Variants in RAB5C observed in about 807,000 individuals in gnomAD.
RAB5C encodes ras-related protein Rab-5C.
RAB5C carries 4 observed loss-of-function variants against 25.2 expected under a neutral mutation model. The ratio of observed to expected loss-of-function variants is 0.16; its 90% CI spans 0.08 to 0.36. RAB5C has a LOEUF of 0.36. Ranked by LOEUF, RAB5C falls within the 10% of genes least tolerant of loss-of-function variation. The probability of loss-of-function intolerance (pLI) is 1.00; values close to 1 mark genes in which losing one functional copy is unlikely to be tolerated. For missense variants in RAB5C, 199 were observed against 283.8 expected (o/e 0.70, Z 2.15); for synonymous variants, 100 against 106.4 (o/e 0.94, Z 0.37).
intron 1 of RAB5C, among the ~76,000 whole-genome samples, chr17:42,132,705 T>C (rs1409818321): frequency 2.2e-5 from 3 of 133,940 alleles, no homozygotes; most frequent in African/African-American, 8.2e-5. Flanking sequence ...TCTTTCTTTC[T>C]TTTTTTTTTG....
chr17:42,143,677 C>A (rs2079615656), intron 1 of RAB5C, among the ~76,000 whole-genome samples: 1 of 152,102 alleles, frequency 6.6e-6, no homozygotes, highest in Non-Finnish European at 1.5e-5. Flanking sequence ...TAACCAAAAA[C>A]CAAAAACAAA....
chr17:42,150,950 T>C (rs1324763740), intron 1 of RAB5C, among the ~76,000 whole-genome samples: 1 of 152,202 alleles, frequency 6.6e-6, no homozygotes. Context: ...CCTTTCTTTG[T>C]TTCTAATTCT....
rs542053745 is a variant in RAB5C, at chr17:42,134,192, G to A, written c.-88-3602C>T. Among the ~76,000 whole-genome samples, 6 of 152,256 alleles carry A rather than the reference G, an allele frequency of 3.9e-5. No individual in the cohort carries two copies. In the South Asian group the frequency reaches 1.2e-3, roughly 32 times the overall value. On this transcript the variant is annotated intron_variant, in intron 1 of 5. Transcript: ENST00000346213. ...TTATACCCTCTCCTCCCAAGCCTGG[G>A]AAACTGAAGACATGGCAGGTAGTAA... is the stretch of plus-strand genomic sequence containing the variant.
At chr17:42,150,689 A>C (rs2079665288) in intron 1 of RAB5C, among the ~76,000 whole-genome samples, 1 of 151,208 alleles carries the variant, frequency 6.6e-6, no homozygotes, top group African/African-American at 2.4e-5. Flanking sequence ...AACATGGTCA[A>C]ACCCCATCTC....
chr17:42,131,526 A>C (rs1233269442), intron 1 of RAB5C: 8 of 1,367,136 alleles, frequency 5.9e-6, no homozygotes, highest in Admixed American at 2.0e-5. Context: ...CACCGAAACA[A>C]ACACACACAG....
intron 1 of RAB5C, among the ~76,000 whole-genome samples, chr17:42,139,232 T>C (rs534250785): frequency 2.0e-5 from 3 of 152,340 alleles, no homozygotes; most frequent in East Asian, 3.9e-4. Context: ...CCAGGCTTCA[T>C]GGGCAGCTCA....
At position 42,140,513 on chromosome 17, in the gene RAB5C, ATATTTTTTTTTTT is replaced by A. The variant is rs1435685792; in HGVS notation, c.-88-9936_-88-9924del. On this transcript the variant is annotated intron_variant, in intron 1 of 5. Coordinates refer to ENST00000346213, the MANE Select transcript of RAB5C (RefSeq NM_004583.4). ...TATATATATATATATATATATATATATATTTTTTTTTTTTTTTTTTTTTTTTTTGAGATGGAGT... is the reference window on the plus strand; with the variant it reads ...TATATATATATATATATATATATATATTTTTTTTTTTTTTTGAGATGGAGT... 1.2e-3 allele frequency among the ~76,000 whole-genome samples: 42 copies of A among 34,144 alleles called. No homozygotes were observed. The African/African-American group carries it at 0.013, about 10-fold the overall frequency. The allele number at this position is 34,144 out of a possible 152,430, so 22.4% of individuals were successfully genotyped here.
chr17:42,154,191 C>A (rs867244265), intron 1 of RAB5C, among the ~76,000 whole-genome samples: 1 of 152,092 alleles, frequency 6.6e-6, no homozygotes, highest in Non-Finnish European at 1.5e-5. Flanking sequence ...GATCTGTGAT[C>A]TGTAGCTAGG....
chr17:42,142,263 G>A (rs2079607880), intron 1 of RAB5C, among the ~76,000 whole-genome samples: 1 of 151,132 alleles, frequency 6.6e-6, no homozygotes, highest in African/African-American at 2.4e-5. Flanking sequence ...TCAAACTCCT[G>A]CGCTCAAGCA....
intron 1 of RAB5C, among the ~76,000 whole-genome samples, chr17:42,152,290 TGA>T (rs1168646114): frequency 6.6e-6 from 1 of 152,174 alleles, no homozygotes; most frequent in African/African-American, 2.4e-5. Flanking sequence ...CCTCTAATTG[TGA>T]GAGGCAAGAG....
intron 1 of RAB5C, among the ~76,000 whole-genome samples, chr17:42,149,538 TCCCA>T (rs1161579170): frequency 6.6e-6 from 1 of 152,112 alleles, no homozygotes; most frequent in Non-Finnish European, 1.5e-5. Flanking sequence ...GCCATGATCG[TCCCA>T]CTGCACTCCA....
At chr17:42,150,597 C>CTTGTAA (rs1383821532) in intron 1 of RAB5C, among the ~76,000 whole-genome samples, 1 of 140,294 alleles carries the variant, frequency 7.1e-6, no homozygotes, top group Admixed American at 7.3e-5. Flanking sequence ...GTGGCTCATG[C>CTTGTAA]TTGTAATCCC....
chr17:42,129,717 T>C (rs2054466060), intron 2 of RAB5C, among the ~76,000 whole-genome samples: 1 of 152,164 alleles, frequency 6.6e-6, no homozygotes, highest in African/African-American at 2.4e-5. Flanking sequence ...TCCAGCTGCC[T>C]AGAAACCTCC....
chr17:42,139,378 G>C (rs989477723), intron 1 of RAB5C, among the ~76,000 whole-genome samples: 1 of 152,252 alleles, frequency 6.6e-6, no homozygotes, highest in Admixed American at 6.5e-5. Context: ...CACCAGGGGG[G>C]CCAGGCCCTA....
chr17:42,128,404 T>C (rs2054450364), intron 3 of RAB5C, 21 bp from the exon 4 acceptor site: 1 of 1,606,288 alleles, frequency 6.2e-7, no homozygotes, highest in Non-Finnish European at 8.5e-7. Flanking sequence ...AGGGACAGAA[T>C]GTCGAAGGGA....
In RAB5C at chr17:42,130,341, A is replaced by G. The variant is rs1177590219; in HGVS notation, c.162T>C (p.Ile54=). Residue 54 remains isoleucine (I), a synonymous_variant, in exon 2 of 6, where the codon ATT becomes ATC. Transcript: ENST00000346213. ...GQFHEYQEST[I]GAAFLTQTVC... is the part of the protein sequence containing the mutation. ...GACTCCCTCATGCCCACTCACCTCC[A>G]ATTGTGCTCTCCTGGTACTCGTGAA... The G allele has an allele frequency of 6.2e-7, 1 of 1,602,692 alleles. No homozygotes were observed.
intron 1 of RAB5C, among the ~76,000 whole-genome samples, chr17:42,152,566 G>A (rs1286011504): frequency 2.0e-5 from 3 of 152,164 alleles, no homozygotes; most frequent in Non-Finnish European, 4.4e-5. Flanking sequence ...ATCATCTGAG[G>A]TCAGGAGTTC....
At chr17:42,149,729 T>C (rs1315505660) in intron 1 of RAB5C, among the ~76,000 whole-genome samples, 1 of 152,168 alleles carries the variant, frequency 6.6e-6, no homozygotes, top group Non-Finnish European at 1.5e-5. Context: ...CGTTCTCTTC[T>C]GTAAAATGGG....
At chr17:42,152,779 C>CA (rs142043898) in intron 1 of RAB5C, among the ~76,000 whole-genome samples, 1,626 of 117,820 alleles carry the variant, frequency 0.014, 23 homozygotes, top group African/African-American at 0.041. Flanking sequence ...GCTCTGTCTC[C>CA]AAAAAAAAAA....
Sources: gnomAD v4.1 joint callset for allele counts (sites outside exome capture counted in the v4.1 genomes callset) on GRCh38, gnomAD v4.1.1 for gene constraint, MANE v1.5 for transcripts, NCBI Gene and HGNC (gene_info 2026-07-23, HGNC 2026-07-21) for gene names.